Variants in IL1R1 observed in about 807,000 individuals in gnomAD.
IL1R1 encodes interleukin-1 receptor type 1.
A neutral mutation model predicts 50.2 loss-of-function variants in IL1R1; 22 were observed. The ratio of observed to expected loss-of-function variants is 0.44; its 90% CI spans 0.31 to 0.63. The LOEUF is 0.63. Ranked by LOEUF, IL1R1 falls within the 20% of genes least tolerant of loss-of-function variation. The probability of loss-of-function intolerance (pLI) is 0.07; values close to 1 mark genes in which losing one functional copy is unlikely to be tolerated. For missense variants in IL1R1, 509 were observed against 676.2 expected (o/e 0.75, Z 2.74); for synonymous variants, 251 against 236.7 (o/e 1.06, Z -0.55).
At chr2:102,094,681 C>T (rs1679821322) in intron 1 of IL1R1, among the ~76,000 whole-genome samples, 1 of 152,084 alleles carries the variant, frequency 6.6e-6, no homozygotes, top group Admixed American at 6.5e-5. Flanking sequence ...ATATCAAAAC[C>T]TATTATTATT....
At chr2:102,085,986 A>T (rs1159254458) in intron 1 of IL1R1, among the ~76,000 whole-genome samples, 1 of 152,138 alleles carries the variant, frequency 6.6e-6, no homozygotes, top group African/African-American at 2.4e-5. Flanking sequence ...TTAGGTGGTT[A>T]CTATTTTTAG....
intron 1 of IL1R1, among the ~76,000 whole-genome samples, chr2:102,131,048 C>T (rs936846509): frequency 8.5e-5 from 13 of 152,198 alleles, no homozygotes; most frequent in Middle Eastern, 3.4e-3. Flanking sequence ...TCAGAAAAAG[C>T]GCCTCCCTAA....
chr2:102,168,934 A>G (rs1052678885), intron 7 of IL1R1, among the ~76,000 whole-genome samples: 4 of 152,096 alleles, frequency 2.6e-5, no homozygotes, highest in African/African-American at 9.7e-5. Context: ...CAAAAGGCCT[A>G]GGAACCAGCA....
chr2:102,075,282 C>T (rs1168810328), intron 1 of IL1R1, among the ~76,000 whole-genome samples: 1 of 152,194 alleles, frequency 6.6e-6, no homozygotes. Flanking sequence ...TCAGTTTGCA[C>T]AGGAAAATGT....
chr2:102,134,890 G>T (rs548374333), intron 1 of IL1R1, among the ~76,000 whole-genome samples: 1 of 152,132 alleles, frequency 6.6e-6, no homozygotes, highest in Non-Finnish European at 1.5e-5. Flanking sequence ...GGTTCTGGGT[G>T]CATACCTACA....
At chr2:102,091,986 G>A (rs1458770073) in intron 1 of IL1R1, among the ~76,000 whole-genome samples, 1 of 152,164 alleles carries the variant, frequency 6.6e-6, no homozygotes, top group African/African-American at 2.4e-5. Flanking sequence ...TGAATAGAAG[G>A]TTTTTGATAT....
intron 1 of IL1R1, among the ~76,000 whole-genome samples, chr2:102,078,396 G>T (rs1333426930): frequency 1.3e-5 from 2 of 151,608 alleles, no homozygotes; most frequent in Admixed American, 6.6e-5. Flanking sequence ...GAAATAAGAG[G>T]GATTATAAGG....
In IL1R1 at chr2:102,153,938, C is replaced by T. The variant is rs983896146; in HGVS notation, c.-83-3C>T. 14 of 152,330 alleles carry T rather than the reference C, an allele frequency of 9.2e-5. No individual in the cohort carries two copies. The highest frequency in any genetic ancestry group is 2.2e-4 in the African/African-American group (9 of 41,430). 9.4% of individuals were successfully genotyped at this position (152,330 alleles called of 1,614,324 possible). ...CTTCACTCATGTGTTCTTCCTTCCC[C>T]AGGTAGACGCACCCTCTGAAGATGG... On this transcript the variant is annotated splice_region_variant and splice_polypyrimidine_tract_variant and intron_variant, in intron 1 of 11. Coordinates refer to ENST00000410023, the MANE Select transcript of IL1R1 (RefSeq NM_000877.4).
At chr2:102,084,615 AT>A (rs1679360470) in intron 1 of IL1R1, among the ~76,000 whole-genome samples, 2 of 152,220 alleles carry the variant, frequency 1.3e-5, no homozygotes, top group Admixed American at 6.5e-5. Flanking sequence ...TGAATATGCT[AT>A]GATTTATTAA....
At chr2:102,074,893 T>A (rs1055324563) in intron 1 of IL1R1, among the ~76,000 whole-genome samples, 1 of 152,200 alleles carries the variant, frequency 6.6e-6, no homozygotes, top group Non-Finnish European at 1.5e-5. Flanking sequence ...GTGCATCATT[T>A]TTATTATCAG....
intron 1 of IL1R1, among the ~76,000 whole-genome samples, chr2:102,147,290 T>TG (rs1372712833): frequency 6.6e-6 from 1 of 152,052 alleles, no homozygotes; most frequent in Non-Finnish European, 1.5e-5. Flanking sequence ...ATTATAGAAG[T>TG]GAAAACAATG....
intron 4 of IL1R1, 45 bp from the exon 5 acceptor site, chr2:102,165,070 A>G (rs1685056802): frequency 6.4e-7 from 1 of 1,554,592 alleles, no homozygotes. Flanking sequence ...TAAGGACAGA[A>G]ATACTTTTAA....
intron 1 of IL1R1, among the ~76,000 whole-genome samples, chr2:102,109,832 G>A (rs1680643978): frequency 6.6e-6 from 1 of 152,194 alleles, no homozygotes; most frequent in South Asian, 2.1e-4. Context: ...TCCAGCGAAT[G>A]AGATGGAGTA....
intron 1 of IL1R1, among the ~76,000 whole-genome samples, chr2:102,087,287 C>T (rs1244650628): frequency 6.6e-6 from 1 of 152,148 alleles, no homozygotes; most frequent in Non-Finnish European, 1.5e-5. Flanking sequence ...GTTGGGGTAG[C>T]TGTGGCAATT....
chr2:102,083,808 G>A (rs1207550568), intron 1 of IL1R1, among the ~76,000 whole-genome samples: 1 of 151,950 alleles, frequency 6.6e-6, no homozygotes, highest in East Asian at 1.9e-4. Context: ...GCCAGGCATG[G>A]TGATGGGCGC....
chr2:102,172,620 A>G lies in IL1R1; in HGVS notation c.840-67A>G. 10 of 1,374,076 alleles carry G rather than the reference A, an allele frequency of 7.3e-6. No individual in the cohort carries two copies. The South Asian group carries it at 1.4e-4, about 19-fold the overall frequency. The allele number at this position is 1,374,076 out of a possible 1,614,324, so 85.1% of individuals were successfully genotyped here. A position where few individuals can be genotyped will look rare whatever the true frequency, so the allele number is the denominator to read the frequency against. Reference sequence around the variant, plus strand: ...TCACAAATAAGGAAATACACAGGGTATACAGGTCTTATTTGTAGTTGATGC... The same window carrying G: ...TCACAAATAAGGAAATACACAGGGTGTACAGGTCTTATTTGTAGTTGATGC... On this transcript the variant is annotated intron_variant, in intron 8 of 11. Coordinates refer to ENST00000410023, the MANE Select transcript of IL1R1 (RefSeq NM_000877.4).
chr2:102,124,552 A>C (rs1001445026), intron 1 of IL1R1, among the ~76,000 whole-genome samples: 7 of 152,200 alleles, frequency 4.6e-5, no homozygotes, highest in African/African-American at 1.7e-4. Context: ...TGGAAGGGGA[A>C]GCAAGTGCAT....
chr2:102,123,771 G>C (rs12712131), intron 1 of IL1R1, among the ~76,000 whole-genome samples: 63,382 of 148,740 alleles, frequency 0.43, 15,217 homozygotes, highest in African/African-American at 0.68. Flanking sequence ...GAGTGAGACT[G>C]TGTCTTAATA....
intron 7 of IL1R1, among the ~76,000 whole-genome samples, chr2:102,171,094 G>A (rs1283484572): frequency 2.3e-4 from 35 of 152,146 alleles, no homozygotes; most frequent in Admixed American, 2.3e-3. Flanking sequence ...AATGGATAGA[G>A]GGATAACAGT....
Sources: allele counts gnomAD v4.1 joint callset (sites outside exome capture counted in the v4.1 genomes callset), GRCh38; gene constraint gnomAD v4.1.1; transcripts MANE v1.5; gene names NCBI Gene and HGNC (gene_info 2026-07-23, HGNC 2026-07-21).